Variants in MTSS1 observed in about 807,000 individuals in gnomAD.
The protein encoded by MTSS1 is protein MTSS 1.
MTSS1 carries 18 observed loss-of-function variants against 79.0 expected under a neutral mutation model. The observed-to-expected ratio is 0.23, with a 90% confidence interval of 0.16 to 0.34. MTSS1 has a LOEUF of 0.34. MTSS1 is among the 10% of genes least tolerant of loss of function. The pLI, the probability that MTSS1 is intolerant of heterozygous loss-of-function variation, is 1.00. For missense variants in MTSS1, 815 were observed against 986.2 expected (o/e 0.83, Z 2.33); for synonymous variants, 341 against 368.6 (o/e 0.93, Z 0.86).
At chr8:124,701,520 G>A (rs774075316) in intron 2 of MTSS1, among the ~76,000 whole-genome samples, 12 of 152,134 alleles carry the variant, frequency 7.9e-5, no homozygotes, top group Non-Finnish European at 1.6e-4. Context: ...ACAAACCCTG[G>A]AAAAATTAGC....
Position 124,556,322 on chromosome 8 carries a change from G to T in MTSS1, c.1314C>A (p.Asn438Lys), listed in dbSNP as rs756122618. The change falls in exon 12 of 14, where the codon AAC (asparagine) becomes AAA (lysine). Residue 438 changes from asparagine (N) to lysine (K), a missense_variant. Physicochemically the swap from Asn to Lys is moderately conservative, Grantham distance 94. Transcript: ENST00000518547. The stretch of plus-strand genomic sequence containing the variant: ...CGCTGGCGGTAGTGGGTCCTCCCCC[G>T]TTGGGGTCCGGTTCTCGCTTCTCTT... ...RRKEKREPDP[N>K]GGGPTTASGP... The T allele has an allele frequency of 1.2e-6, 2 of 1,614,216 alleles. No homozygotes were observed. The highest frequency in any genetic ancestry group is 8.5e-7 in the Non-Finnish European group (1 of 1,180,032).
At chr8:124,568,078 C>A (rs1826923365) in intron 7 of MTSS1, 2 of 816,504 alleles carry the variant, frequency 2.4e-6, no homozygotes, top group Non-Finnish European at 1.8e-6. Flanking sequence ...CAAGAACTTG[C>A]ATTTCTAGCC....
intron 3 of MTSS1, among the ~76,000 whole-genome samples, chr8:124,675,683 C>A (rs1453835722): frequency 6.6e-6 from 1 of 152,172 alleles, no homozygotes. Flanking sequence ...CCTCTGGCAA[C>A]CTGGAAACTG....
intron 3 of MTSS1, among the ~76,000 whole-genome samples, chr8:124,614,339 C>T (rs1006798713): frequency 1.3e-5 from 2 of 152,170 alleles, no homozygotes; most frequent in Non-Finnish European, 2.9e-5. Context: ...AACAATCACA[C>T]ATTAAATTCT....
At chr8:124,703,288 TTTATTA>T (rs1165043627) in intron 2 of MTSS1, among the ~76,000 whole-genome samples, 1 of 152,144 alleles carries the variant, frequency 6.6e-6, no homozygotes, top group African/African-American at 2.4e-5. Context: ...TTTATTTTAT[TTTATTA>T]TTATTATTTT....
At chr8:124,670,803 C>T (rs1190466872) in intron 3 of MTSS1, among the ~76,000 whole-genome samples, 1 of 152,120 alleles carries the variant, frequency 6.6e-6, no homozygotes, top group Non-Finnish European at 1.5e-5. Flanking sequence ...GAGGAAAAGT[C>T]CAGAGACCGC....
chr8:124,623,772 C>A (rs948021810), intron 3 of MTSS1, among the ~76,000 whole-genome samples: 1 of 152,090 alleles, frequency 6.6e-6, no homozygotes, highest in East Asian at 1.9e-4. Context: ...CCTGGGTACC[C>A]GGGACTACAG....
chr8:124,568,307 G>C, intron 7 of MTSS1, 72 bp downstream of exon 7: 1 of 1,515,798 alleles, frequency 6.6e-7, no homozygotes, highest in Non-Finnish European at 9.0e-7. Context: ...CTCAACAGTG[G>C]ATGGATAAAA....
chr8:124,655,500 G>C (rs977713783), intron 3 of MTSS1, among the ~76,000 whole-genome samples: 3 of 152,192 alleles, frequency 2.0e-5, no homozygotes, highest in Admixed American at 6.5e-5. Flanking sequence ...AGAGTGATCA[G>C]AATCCATACG....
At chr8:124,564,971 A>G (rs1316662261) in intron 9 of MTSS1, among the ~76,000 whole-genome samples, 1 of 152,210 alleles carries the variant, frequency 6.6e-6, no homozygotes, top group Admixed American at 6.5e-5. Context: ...GAGTAACAGG[A>G]CTACTATACC....
chr8:124,595,615 C>A (rs80190729), intron 3 of MTSS1, among the ~76,000 whole-genome samples: 1 of 152,122 alleles, frequency 6.6e-6, no homozygotes, highest in Non-Finnish European at 1.5e-5. Context: ...TTATGTGGGA[C>A]CCACCTGGAT....
intron 3 of MTSS1, among the ~76,000 whole-genome samples, chr8:124,618,154 G>T (rs1408611412): frequency 6.6e-6 from 1 of 152,100 alleles, no homozygotes; most frequent in Non-Finnish European, 1.5e-5. Context: ...AAGGGATCTG[G>T]ATTTCAAATG....
chr8:124,629,232 T>C (rs1301214613), intron 3 of MTSS1, among the ~76,000 whole-genome samples: 1 of 152,090 alleles, frequency 6.6e-6, no homozygotes, highest in Non-Finnish European at 1.5e-5. Flanking sequence ...TGGAGCTAGA[T>C]GGCCAGGCGC....
intron 1 of MTSS1, among the ~76,000 whole-genome samples, chr8:124,724,996 TG>T (rs1230752648): frequency 6.6e-6 from 1 of 152,134 alleles, no homozygotes; most frequent in Non-Finnish European, 1.5e-5. Context: ...TTTGCATGGA[TG>T]GGAGGAAAGG....
At chr8:124,696,625 G>A (rs1488518004) in intron 3 of MTSS1, among the ~76,000 whole-genome samples, 2 of 152,148 alleles carry the variant, frequency 1.3e-5, no homozygotes, top group Non-Finnish European at 2.9e-5. Context: ...GGCCGAGGCA[G>A]GTAGATCATG....
At position 124,652,499 on chromosome 8, in the gene MTSS1, C is replaced by A. The variant is rs1820149908; in HGVS notation, c.208+47027G>T. ...TCTTCTATACATTAACAATACCCAA[C>A]AGAAATACAAAACAAGCCACAATGT... On this transcript the variant is annotated intron_variant, in intron 3 of 13. Coordinates refer to ENST00000518547, the MANE Select transcript of MTSS1 (RefSeq NM_014751.6). Among the ~76,000 whole-genome samples the A allele has an allele frequency of 2.6e-5, 4 of 152,196 alleles. No homozygotes were observed. The South Asian group carries it at 8.3e-4, about 32-fold the overall frequency.
intron 3 of MTSS1, among the ~76,000 whole-genome samples, chr8:124,652,227 G>A (rs1820088913): frequency 1.3e-5 from 2 of 152,214 alleles, no homozygotes; most frequent in South Asian, 4.1e-4. Flanking sequence ...AGGCTGGAGT[G>A]CAATGGCACA....
chr8:124,578,401 A>G (rs1177830485), intron 6 of MTSS1, among the ~76,000 whole-genome samples: 2 of 151,944 alleles, frequency 1.3e-5, no homozygotes, highest in Non-Finnish European at 2.9e-5. Context: ...TCATTCTTCA[A>G]CAGCTGACCC....
chr8:124,572,751 T>C (rs1200783943), intron 6 of MTSS1, among the ~76,000 whole-genome samples: 1 of 148,994 alleles, frequency 6.7e-6, no homozygotes. Context: ...TTCTTTTTTT[T>C]TTTTTTTTTG....
Sources: allele counts gnomAD v4.1 joint callset (sites outside exome capture counted in the v4.1 genomes callset), GRCh38; gene constraint gnomAD v4.1.1; transcripts MANE v1.5; gene names NCBI Gene and HGNC (gene_info 2026-07-23, HGNC 2026-07-21).